CACNA1C: variants seen among roughly 807,000 people sequenced by gnomAD.
The protein encoded by CACNA1C is voltage-dependent L-type calcium channel subunit alpha-1C.
CACNA1C carries 30 observed loss-of-function variants against 229.0 expected under a neutral mutation model. The ratio of observed to expected loss-of-function variants is 0.13; its 90% CI spans 0.10 to 0.18. CACNA1C has a LOEUF of 0.18. Among genes scored for constraint, CACNA1C ranks in the 10% least tolerant of loss-of-function variants. The probability of loss-of-function intolerance (pLI) is 1.00; values close to 1 mark genes in which losing one functional copy is unlikely to be tolerated. For missense variants in CACNA1C, 1,658 were observed against 2,845.0 expected (o/e 0.58, Z 9.49); for synonymous variants, 1,114 against 1,132.5 (o/e 0.98, Z 0.33).
At chr12:2,327,833 G>A (rs1046566698) in intron 3 of CACNA1C, among the ~76,000 whole-genome samples, 2 of 152,192 alleles carry the variant, frequency 1.3e-5, no homozygotes, top group African/African-American at 4.8e-5. Context: ...GGAAAAATCG[G>A]CATGACTGGA....
chr12:2,187,978 G>A (rs2097096767), intron 3 of CACNA1C, among the ~76,000 whole-genome samples: 1 of 152,224 alleles, frequency 6.6e-6, no homozygotes, highest in East Asian at 1.9e-4. Flanking sequence ...GTTGGGAGCT[G>A]CCTTTCCCCG....
At chr12:2,145,705 T>C (rs575609738) in intron 3 of CACNA1C, among the ~76,000 whole-genome samples, 79 of 151,474 alleles carry the variant, frequency 5.2e-4, no homozygotes, top group Non-Finnish European at 1.0e-3. Flanking sequence ...AGATTAAATC[T>C]TGATTACTGT....
intron 43 of CACNA1C, among the ~76,000 whole-genome samples, 178 bp downstream of exon 43, chr12:2,682,856 CAACACACACAA>C (rs1569246180): frequency 1.4e-4 from 5 of 36,962 alleles, no homozygotes; most frequent in Non-Finnish European, 1.9e-4. Context: ...CCCCAACACA[CAACACACACAA>C]ACACACACAC....
intron 1 of CACNA1C, among the ~76,000 whole-genome samples, chr12:2,033,218 G>A (rs549607627): frequency 6.6e-6 from 1 of 152,274 alleles, no homozygotes; most frequent in South Asian, 2.1e-4. Flanking sequence ...CCCAGAACAA[G>A]TGAAGCCAGT....
chr12:2,543,582 G>A (rs187100271), intron 9 of CACNA1C, among the ~76,000 whole-genome samples: 15 of 152,252 alleles, frequency 9.9e-5, no homozygotes, highest in East Asian at 5.8e-4. Flanking sequence ...ATAAACTATC[G>A]CAAATTAATA....
Position 2,514,004 on chromosome 12 carries a change from T to C in CACNA1C, c.1390+1020T>C, listed in dbSNP as rs375088107. On this transcript the variant is annotated intron_variant, in intron 9 of 46. Coordinates refer to ENST00000399655, the MANE Select transcript of CACNA1C (RefSeq NM_000719.7). ...TGATATCTTTCTCTTTCACTATACA[T>C]GTTTGAATAGGTGCATTTTTGTCCT... 7.1e-4 allele frequency among the ~76,000 whole-genome samples: 108 copies of C among 152,358 alleles called. 1 individual carries two copies. Among genetic ancestry groups the C allele is most frequent in the African/African-American group, 2.4e-3 (98 of 41,578 alleles).
chr12:2,518,393 G>C (rs1472224658), intron 9 of CACNA1C, among the ~76,000 whole-genome samples: 5 of 152,168 alleles, frequency 3.3e-5, no homozygotes, highest in African/African-American at 1.2e-4. Context: ...TGGATCATGA[G>C]GTCAGGAGAT....
chr12:2,372,124 C>G (rs2097885593), intron 3 of CACNA1C, among the ~76,000 whole-genome samples: 1 of 152,146 alleles, frequency 6.6e-6, no homozygotes, highest in Non-Finnish European at 1.5e-5. Context: ...GTTATAAGAA[C>G]AGATAGTATA....
chr12:2,663,298 G>A (rs2095860164), intron 34 of CACNA1C, among the ~76,000 whole-genome samples: 1 of 152,180 alleles, frequency 6.6e-6, no homozygotes, highest in African/African-American at 2.4e-5. Flanking sequence ...AAGAATGGCT[G>A]CAATTTAAAA....
rs2066181766 is a variant in CACNA1C, at chr12:2,082,864, G to A, written c.49+29253G>A. Among the ~76,000 whole-genome samples, 3 of 152,046 alleles carry A rather than the reference G, an allele frequency of 2.0e-5. No homozygotes were observed. The South Asian group carries it at 6.2e-4, about 32-fold the overall frequency. ...TCTCTGCTCAAGTCTACTTTATATC[G>A]TATATTTATATATAGATATGCACAC... On this transcript the variant is annotated intron_variant, in intron 1 of 46. Transcript: ENST00000399655.
rs944293085 is a variant in CACNA1C, at chr12:2,081,549, C to T, written c.49+27938C>T. On this transcript the variant is annotated intron_variant, in intron 1 of 46. Transcript: ENST00000399655. The stretch of plus-strand genomic sequence containing the variant: ...TCGCGCCACTGCACTCCAGCCTGGG[C>T]GACAGAGCGAGACTCAGTCTCAAAA... Among the ~76,000 whole-genome samples the T allele has an allele frequency of 1.3e-4, 19 of 149,038 alleles. 1 individual carries two copies. Among genetic ancestry groups the T allele is most frequent in the African/African-American group, 1.7e-4 (7 of 40,318 alleles).
Position 2,190,049 on chromosome 12 carries a change from G to A in CACNA1C, c.477+69619G>A, listed in dbSNP as rs987171497. 2.6e-5 allele frequency among the ~76,000 whole-genome samples: 4 copies of A among 152,304 alleles called. No individual in the cohort carries two copies. In the South Asian group the frequency reaches 8.3e-4, roughly 32 times the overall value. ...CACAGCCAACCAGAACCTGCTCTTTGTTAATGGAATGGAATCCTCTTTCTG... is the reference window on the plus strand; with the variant it reads ...CACAGCCAACCAGAACCTGCTCTTTATTAATGGAATGGAATCCTCTTTCTG... On this transcript the variant is annotated intron_variant, in intron 3 of 46. Transcript: ENST00000399655.
At chr12:2,614,401 C>T (rs11609212) in intron 29 of CACNA1C, 2 of 152,170 alleles carry the variant, frequency 1.3e-5, no homozygotes, top group Non-Finnish European at 2.9e-5. Context: ...AAGGTCACCA[C>T]CCAGTTAGGA....
chr12:2,110,937 ACCTGTCTCACCCGAGAGGCCACAC>A (rs1490313726), intron 1 of CACNA1C, among the ~76,000 whole-genome samples: 1 of 148,968 alleles, frequency 6.7e-6, no homozygotes, highest in African/African-American at 2.5e-5. Context: ...GAGAGGCCAT[ACCTGTCTCACCCGAGAGGCCACAC>A]CTGTCTCACC....
At chr12:2,374,412 G>C (rs1009542648) in intron 3 of CACNA1C, among the ~76,000 whole-genome samples, 1 of 152,228 alleles carries the variant, frequency 6.6e-6, no homozygotes, top group African/African-American at 2.4e-5. Flanking sequence ...TCCCATGACT[G>C]GGGACTGGGT....
At chr12:2,571,596 T>C (rs2054459152) in intron 13 of CACNA1C, among the ~76,000 whole-genome samples, 1 of 152,214 alleles carries the variant, frequency 6.6e-6, no homozygotes, top group Non-Finnish European at 1.5e-5. Flanking sequence ...GAAACCATTT[T>C]TAAAAATCTA....
At chr12:2,482,291 G>T (rs1451452816) in intron 5 of CACNA1C, among the ~76,000 whole-genome samples, 1 of 152,246 alleles carries the variant, frequency 6.6e-6, no homozygotes, top group Admixed American at 6.5e-5. Context: ...CTGCAAGCAC[G>T]TGTCACTGCT....
Position 2,691,120 on chromosome 12 carries a change from A to C in CACNA1C, c.6338A>C (p.Asp2113Ala), listed in dbSNP as rs972053240. The C allele has an allele frequency of 2.5e-6, 4 of 1,609,910 alleles. No individual in the cohort carries two copies. The highest frequency in any genetic ancestry group is 3.4e-6 in the Non-Finnish European group (4 of 1,177,282). The change falls in exon 47 of 47, where the codon GAC (aspartate) becomes GCC (alanine). Residue 2113 changes from aspartate to alanine, a missense_variant. This residue lies in a region of CACNA1C where 590 missense variants were observed against 700.8 expected (regional missense o/e 0.84). Coordinates refer to ENST00000399655, the MANE Select transcript of CACNA1C (RefSeq NM_000719.7). Reference sequence around the variant, plus strand: ...CAGGACCGAGCCGGGGGCGAAGAGGACGCGGGCTGTGTGCGCGCGCGGGGT... The same window carrying C: ...CAGGACCGAGCCGGGGGCGAAGAGGCCGCGGGCTGTGTGCGCGCGCGGGGT... Reference protein sequence around the residue: ...AGQDRAGGEEDAGCVRARGRP... With the variant: ...AGQDRAGGEEAAGCVRARGRP...
Position 2,653,822 on chromosome 12 carries a change from C to A in CACNA1C, c.4075-13C>A. 2 of 1,613,056 alleles carry A rather than the reference C, an allele frequency of 1.2e-6. No homozygotes were observed. The highest frequency in any genetic ancestry group is 1.7e-6 in the Non-Finnish European group (2 of 1,179,204). Reference sequence around the variant, plus strand: ...ACTCCAGCCTCATGGGAGTCTCCTGCACTTCCTTCCAGGCCCTGCCCTATG... The same window carrying A: ...ACTCCAGCCTCATGGGAGTCTCCTGAACTTCCTTCCAGGCCCTGCCCTATG... On this transcript the variant is annotated splice_polypyrimidine_tract_variant and intron_variant, in intron 32 of 46. Transcript: ENST00000399655. This position sits in a 1 kb window ranked among gnomAD's most constrained non-coding sequence, Gnocchi z 4.7.
Sources: gnomAD v4.1 joint callset for allele counts (sites outside exome capture counted in the v4.1 genomes callset) on GRCh38, gnomAD v4.1.1 for gene constraint, gnomAD v4.1.1 regional missense constraint, Gnocchi (gnomAD v3.1) non-coding constraint, MANE v1.5 for transcripts, NCBI Gene and HGNC (gene_info 2026-07-23, HGNC 2026-07-21) for gene names.